VAV3: variants seen among roughly 807,000 people sequenced by gnomAD.
VAV3 encodes vav guanine nucleotide exchange factor 3, also known as guanine nucleotide exchange factor VAV3.
VAV3 carries 94 observed loss-of-function variants against 131.2 expected under a neutral mutation model. That is an observed-to-expected ratio of 0.72 (90% CI 0.61 to 0.85). VAV3 has a LOEUF of 0.85. VAV3 is among the 40% of genes least tolerant of loss of function. The pLI is 0.00. For synonymous variants in VAV3, 349 were observed against 342.0 expected (o/e 1.02, Z -0.22); for missense variants, 939 against 1,002.7 (o/e 0.94, Z 0.86).
At chr1:107,889,042 T>C (rs535577212) in intron 1 of VAV3, among the ~76,000 whole-genome samples, 31 of 152,072 alleles carry the variant, frequency 2.0e-4, no homozygotes, top group African/African-American at 6.3e-4. Context: ...TCTTAATGAC[T>C]ACAGTAAATT....
At chr1:107,952,487 C>CATATATATATATATATATATATATATAT (rs1173992663) in intron 1 of VAV3, among the ~76,000 whole-genome samples, 3 of 133,460 alleles carry the variant, frequency 2.2e-5, no homozygotes, top group African/African-American at 6.2e-5. Flanking sequence ...TATATATATA[C>CATATATATATATATATATATATATATAT]ACACATAAAT....
At chr1:107,801,368 G>A (rs111348832) in intron 2 of VAV3, among the ~76,000 whole-genome samples, 2,490 of 152,166 alleles carry the variant, frequency 0.016, 79 homozygotes, top group African/African-American at 0.057. Flanking sequence ...ATTTTGATAA[G>A]GACTGCATTG....
chr1:107,908,180 G>A (rs1481285931), intron 1 of VAV3, among the ~76,000 whole-genome samples: 1 of 152,158 alleles, frequency 6.6e-6, no homozygotes, highest in Non-Finnish European at 1.5e-5. Flanking sequence ...GTGGATGAAA[G>A]GCACTCATGT....
intron 18 of VAV3, among the ~76,000 whole-genome samples, chr1:107,686,267 G>A (rs961905811): frequency 6.6e-5 from 10 of 152,116 alleles, no homozygotes; most frequent in Admixed American, 3.9e-4. Flanking sequence ...GACGCCCCAC[G>A]GATTCTGTGG....
At chr1:107,948,753 G>C (rs1674389950) in intron 1 of VAV3, among the ~76,000 whole-genome samples, 1 of 152,082 alleles carries the variant, frequency 6.6e-6, no homozygotes, top group Admixed American at 6.6e-5. Context: ...GGCTGAGGCA[G>C]AAGAATTGCT....
At chr1:107,801,760 T>C (rs1204498631) in intron 2 of VAV3, among the ~76,000 whole-genome samples, 1 of 152,184 alleles carries the variant, frequency 6.6e-6, no homozygotes, top group Non-Finnish European at 1.5e-5. Context: ...GAATCTGCTG[T>C]GATTCTGGGG....
intron 1 of VAV3, among the ~76,000 whole-genome samples, chr1:107,877,099 A>T (rs1670540293): frequency 6.6e-6 from 1 of 152,184 alleles, no homozygotes; most frequent in Non-Finnish European, 1.5e-5. Context: ...GATTAAAACC[A>T]CAAGGGAAGC....
intron 1 of VAV3, among the ~76,000 whole-genome samples, chr1:107,920,338 T>C (rs892398774): frequency 5.9e-5 from 9 of 152,320 alleles, no homozygotes; most frequent in Non-Finnish European, 1.0e-4. Context: ...ACACAGGGTA[T>C]AAATACGGCC....
At chr1:107,908,867 ACACACAC>A (rs1557916913) in intron 1 of VAV3, among the ~76,000 whole-genome samples, 20 of 139,900 alleles carry the variant, frequency 1.4e-4, no homozygotes, top group African/African-American at 5.6e-4. Context: ...ACACACACAC[ACACACAC>A]AATATAAAAC....
intron 7 of VAV3, among the ~76,000 whole-genome samples, chr1:107,768,043 A>G (rs1462095392): frequency 6.6e-6 from 1 of 152,168 alleles, no homozygotes; most frequent in African/African-American, 2.4e-5. Flanking sequence ...GGAATGGAGG[A>G]AAGTAGGGGA....
chr1:107,859,319 C>T (rs1467505696), intron 2 of VAV3, among the ~76,000 whole-genome samples: 1 of 152,086 alleles, frequency 6.6e-6, no homozygotes, highest in Non-Finnish European at 1.5e-5. Context: ...TGATTCTCCA[C>T]CCTCTGTTTC....
At chr1:107,758,607 C>T (rs757873902) in intron 10 of VAV3, among the ~76,000 whole-genome samples, 4 of 152,002 alleles carry the variant, frequency 2.6e-5, no homozygotes, top group Admixed American at 2.0e-4. Context: ...AGCTTCTGAT[C>T]GGCCTTCTGA....
intron 11 of VAV3, 92 bp downstream of exon 11, chr1:107,757,153 ATGTGTGTGTGTGTGTG>A (rs34437461): frequency 1.7e-5 from 10 of 593,018 alleles, no homozygotes; most frequent in South Asian, 4.5e-5. Flanking sequence ...ATGTGTGTAT[ATGTGTGTGTGTGTGTG>A]TGTGTGTGTG....
chr1:107,772,848 A>G lies in VAV3; in HGVS notation c.447-5T>C. ...TCATCTTCCACAAGGGTTTCACTAC[A>G]ACAAAGGATATCATATAAGGTCATT... is the stretch of plus-strand genomic sequence containing the variant. On this transcript the variant is annotated splice_region_variant and splice_polypyrimidine_tract_variant and intron_variant, in intron 4 of 26. Coordinates refer to ENST00000370056, the MANE Select transcript of VAV3 (RefSeq NM_006113.5). 1.2e-6 allele frequency: 2 copies of G among 1,610,124 alleles called. No individual in the cohort carries two copies. Among genetic ancestry groups the G allele is most frequent in the Middle Eastern group, 1.7e-4 (1 of 6,042 alleles).
At chr1:107,602,301 G>C in intron 24 of VAV3, 96 bp downstream of exon 24, 1 of 852,866 alleles carries the variant, frequency 1.2e-6, no homozygotes, top group South Asian at 1.8e-5. Context: ...TAACTTTTCA[G>C]TGAGCAAAAT....
chr1:107,945,779 G>A (rs569081003), intron 1 of VAV3, among the ~76,000 whole-genome samples: 196 of 146,506 alleles, frequency 1.3e-3, no homozygotes, highest in Non-Finnish European at 2.0e-3. Flanking sequence ...TCGAGATCGC[G>A]CCATTACACT....
chr1:107,780,098 G>C (rs577055728), intron 2 of VAV3, among the ~76,000 whole-genome samples: 100 of 152,262 alleles, frequency 6.6e-4, no homozygotes, highest in African/African-American at 2.1e-3. Context: ...TAAATCCTCA[G>C]CTTACCATTT....
At chr1:107,942,267 C>T (rs1174224324) in intron 1 of VAV3, among the ~76,000 whole-genome samples, 1 of 152,058 alleles carries the variant, frequency 6.6e-6, no homozygotes, top group Non-Finnish European at 1.5e-5. Context: ...AAGAAAGTAC[C>T]CCTCCAGGAC....
chr1:107,878,460 T>C (rs1357276475), intron 1 of VAV3, among the ~76,000 whole-genome samples: 2 of 152,202 alleles, frequency 1.3e-5, no homozygotes, highest in African/African-American at 4.8e-5. Context: ...TCTTCTTTAA[T>C]GACATTGACT....
Sources: allele counts gnomAD v4.1 joint callset (sites outside exome capture counted in the v4.1 genomes callset), GRCh38; gene constraint gnomAD v4.1.1; transcripts MANE v1.5; gene names NCBI Gene and HGNC (gene_info 2026-07-23, HGNC 2026-07-21).